ZBTB44: variants seen among roughly 807,000 people sequenced by gnomAD.
ZBTB44 encodes zinc finger and BTB domain-containing protein 44.
Under a neutral mutation model 54.0 loss-of-function variants are expected in ZBTB44, and 15 were observed. That is an observed-to-expected ratio of 0.28 (90% CI 0.19 to 0.43). The LOEUF is 0.43. Ranked by LOEUF, ZBTB44 falls within the 20% of genes least tolerant of loss-of-function variation. The probability of loss-of-function intolerance (pLI) is 1.00; values close to 1 mark genes in which losing one functional copy is unlikely to be tolerated. For missense variants in ZBTB44, 487 were observed against 707.1 expected (o/e 0.69, Z 3.53); for synonymous variants, 230 against 250.1 (o/e 0.92, Z 0.76).
intron 1 of ZBTB44, among the ~76,000 whole-genome samples, chr11:130,283,969 CAAAAAAAAAAAA>C (rs71061377): frequency 3.5e-4 from 16 of 45,174 alleles, no homozygotes; most frequent in Non-Finnish European, 5.6e-4. Context: ...GACTCCATCT[CAAAAAAAAAAAA>C]AAAAAAAAAA....
chr11:130,235,123 T>C (rs199966308), intron 5 of ZBTB44, among the ~76,000 whole-genome samples: 3 of 152,258 alleles, frequency 2.0e-5, no homozygotes, highest in East Asian at 3.8e-4. Context: ...TATACCATAA[T>C]TGTCAATAAT....
At chr11:130,292,804 T>C (rs971769420) in intron 1 of ZBTB44, among the ~76,000 whole-genome samples, 1 of 152,146 alleles carries the variant, frequency 6.6e-6, no homozygotes, top group Non-Finnish European at 1.5e-5. Context: ...ACATGGAAAA[T>C]GTATACGTGT....
At position 130,286,164 on chromosome 11, in the gene ZBTB44, C is replaced by T. The variant is rs115960261; in HGVS notation, c.-56-24235G>A. Among the ~76,000 whole-genome samples the T allele has an allele frequency of 8.7e-3, 1,317 of 152,128 alleles. 9 individuals carry two copies. Among genetic ancestry groups the T allele is most frequent in the African/African-American group, 0.021 (892 of 41,510 alleles). The stretch of plus-strand genomic sequence containing the variant: ...AGACGAAATCAGGCAAATTCTGTAA[C>T]AAAGTGATCTTTAAAAAAATGAAAA... On this transcript the variant is annotated intron_variant, in intron 1 of 7. Transcript: ENST00000357899.
chr11:130,242,542 T>TTA (rs10637750), intron 2 of ZBTB44, among the ~76,000 whole-genome samples: 1 of 151,500 alleles, frequency 6.6e-6, no homozygotes, highest in African/African-American at 2.4e-5. Context: ...GAAAACATAT[T>TTA]TATTTTCAAA....
chr11:130,287,910 A>C (rs1941061289), intron 1 of ZBTB44, among the ~76,000 whole-genome samples: 1 of 151,994 alleles, frequency 6.6e-6, no homozygotes, highest in Non-Finnish European at 1.5e-5. Flanking sequence ...ATTCACCTAA[A>C]AATAACAGTA....
intron 2 of ZBTB44, among the ~76,000 whole-genome samples, chr11:130,252,901 G>A (rs551022986): frequency 6.6e-6 from 1 of 152,254 alleles, no homozygotes; most frequent in African/African-American, 2.4e-5. Context: ...ATGCAAGGCT[G>A]GTTCAACATA....
Position 130,228,689 on chromosome 11 carries a change from T to C in ZBTB44, c.*3075A>G, listed in dbSNP as rs538086414. The C allele has an allele frequency of 6.6e-6, 1 of 152,200 alleles. No homozygotes were observed. Among genetic ancestry groups the C allele is most frequent in the Non-Finnish European group, 1.5e-5 (1 of 68,032 alleles). 9.4% of individuals were successfully genotyped at this position (152,200 alleles called of 1,614,324 possible). On this transcript the variant is annotated 3_prime_UTR_variant, in exon 8 of 8. Transcript: ENST00000357899. ...TACTTTGGTAACCTCAACATTCATT[T>C]ATGGGATGATTTTTCATCTGTTTTA...
intron 1 of ZBTB44, among the ~76,000 whole-genome samples, chr11:130,289,143 T>C (rs1289230786): frequency 6.6e-6 from 1 of 152,016 alleles, no homozygotes; most frequent in Non-Finnish European, 1.5e-5. Flanking sequence ...GTTTGTGTAT[T>C]TGAGGCAGGG....
intron 3 of ZBTB44, 117 bp downstream of exon 3, chr11:130,239,694 GA>G: frequency 1.3e-6 from 1 of 765,824 alleles, no homozygotes; most frequent in Non-Finnish European, 2.1e-6. Flanking sequence ...TCATTACTTT[GA>G]AAAGTATACT....
chr11:130,243,440 T>C (rs933407607), intron 2 of ZBTB44, among the ~76,000 whole-genome samples: 1 of 152,246 alleles, frequency 6.6e-6, no homozygotes, highest in Non-Finnish European at 1.5e-5. Flanking sequence ...CTGTTTGAGA[T>C]TCCTTGGCCT....
rs1241243518 is a variant in ZBTB44 at position 130,231,507 on chromosome 11, TC to T, written c.*256del. 2 of 152,140 alleles carry T rather than the reference TC, an allele frequency of 1.3e-5. No individual in the cohort carries two copies. The highest frequency in any genetic ancestry group is 4.8e-5 in the African/African-American group (2 of 41,442). The allele number at this position is 152,140 out of a possible 1,614,324, so 9.4% of individuals were successfully genotyped here. Reference sequence around the variant, plus strand: ...GGAAGGAATACCCAGTGATGGGTAATCCCTCATTCTGAGAACACAGTCAGAA... The same window carrying T: ...GGAAGGAATACCCAGTGATGGGTAATCCTCATTCTGAGAACACAGTCAGAA... On this transcript the variant is annotated 3_prime_UTR_variant, in exon 8 of 8. Coordinates refer to ENST00000357899, the MANE Select transcript of ZBTB44 (RefSeq NM_001301098.2).
chr11:130,246,236 TCA>T (rs1954640235), intron 2 of ZBTB44, among the ~76,000 whole-genome samples: 1 of 152,218 alleles, frequency 6.6e-6, no homozygotes, highest in Admixed American at 6.5e-5. Context: ...AATTGGAATT[TCA>T]GTTAAACTGA....
chr11:130,308,461 T>C (rs905688023), intron 1 of ZBTB44, among the ~76,000 whole-genome samples: 1 of 152,228 alleles, frequency 6.6e-6, no homozygotes, highest in Non-Finnish European at 1.5e-5. Flanking sequence ...ATTGTGATAC[T>C]CTAGGCAAGT....
intron 2 of ZBTB44, among the ~76,000 whole-genome samples, chr11:130,255,914 A>G (rs1420454963): frequency 8.0e-5 from 12 of 150,756 alleles, no homozygotes; most frequent in African/African-American, 2.5e-4. Flanking sequence ...AAAAAAAAAA[A>G]AAAAAAACAC....
chr11:130,274,214 C>A (rs1397480441), intron 1 of ZBTB44, among the ~76,000 whole-genome samples: 1 of 152,134 alleles, frequency 6.6e-6, no homozygotes, highest in Non-Finnish European at 1.5e-5. Flanking sequence ...GGATTTTGAG[C>A]GTCATGTTGG....
At chr11:130,236,424 G>T (rs929673872) in intron 5 of ZBTB44, among the ~76,000 whole-genome samples, 1 of 152,116 alleles carries the variant, frequency 6.6e-6, no homozygotes, top group Non-Finnish European at 1.5e-5. Flanking sequence ...AACATCTAGA[G>T]TCTGGAGTAA....
intron 1 of ZBTB44, chr11:130,296,531 T>A (rs376985055): frequency 1.1e-5 from 10 of 887,546 alleles, no homozygotes; most frequent in East Asian, 4.8e-5. Flanking sequence ...TCAAGTCAAC[T>A]GGATTGTTCA....
At chr11:130,234,081 T>A in intron 6 of ZBTB44, 75 bp downstream of exon 6, 1 of 1,534,496 alleles carries the variant, frequency 6.5e-7, no homozygotes, top group Non-Finnish European at 8.8e-7. Context: ...GCTCTGGCAC[T>A]TCTTCCTCTT....
chr11:130,279,726 C>G (rs1312930154), intron 1 of ZBTB44, among the ~76,000 whole-genome samples: 2 of 152,182 alleles, frequency 1.3e-5, no homozygotes, highest in East Asian at 3.9e-4. Context: ...TGAGGTCTAT[C>G]TGATATTTCT....
Sources: allele counts gnomAD v4.1 joint callset (sites outside exome capture counted in the v4.1 genomes callset), GRCh38; gene constraint gnomAD v4.1.1; transcripts MANE v1.5; gene names NCBI Gene and HGNC (gene_info 2026-07-23, HGNC 2026-07-21).